CSMD1: variants seen among roughly 807,000 people sequenced by gnomAD.
CSMD1 encodes CUB and Sushi multiple domains 1.
Under a neutral mutation model 417.5 loss-of-function variants are expected in CSMD1, and 213 were observed. That is an observed-to-expected ratio of 0.51 (90% CI 0.46 to 0.57). The LOEUF is 0.57. CSMD1 is among the 20% of genes least tolerant of loss of function. The pLI, the probability that CSMD1 is intolerant of heterozygous loss-of-function variation, is 0.00. For synonymous variants in CSMD1, 2,862 were observed against 1,736.8 expected (o/e 1.65, Z -16.11); for missense variants, 6,923 against 4,529.7 (o/e 1.53, Z -15.17).
intron 3 of CSMD1, among the ~76,000 whole-genome samples, chr8:4,152,826 T>G (rs1796640557): frequency 6.6e-6 from 1 of 151,574 alleles, no homozygotes; most frequent in Non-Finnish European, 1.5e-5. Context: ...AGTGAGAGAG[T>G]AGGGAATGTA....
At chr8:4,164,634 G>C (rs1797350898) in intron 3 of CSMD1, among the ~76,000 whole-genome samples, 1 of 152,054 alleles carries the variant, frequency 6.6e-6, no homozygotes, top group Admixed American at 6.5e-5. Flanking sequence ...ATACTTCTGT[G>C]ATTGAGTCCC....
rs184747062 is a variant in CSMD1, at chr8:4,483,012, G to A, written c.303-62947C>T. Among the ~76,000 whole-genome samples the A allele has an allele frequency of 1.6e-4, 24 of 152,250 alleles. No individual in the cohort carries two copies. In the East Asian group the frequency reaches 4.2e-3, roughly 27 times the overall value. ...AGTAAAATAGTTTAGCAATTGATTG[G>A]TTTGGCTCTGCGTCCCCACCGAAAT... On this transcript the variant is annotated intron_variant, in intron 2 of 69. Coordinates refer to ENST00000635120, the MANE Select transcript of CSMD1 (RefSeq NM_033225.6).
chr8:4,385,891 T>C (rs1475979554), intron 3 of CSMD1, among the ~76,000 whole-genome samples: 1 of 152,196 alleles, frequency 6.6e-6, no homozygotes, highest in South Asian at 2.1e-4. Flanking sequence ...ATGCCAGAAT[T>C]TTCTCAGAAC....
At chr8:3,712,117 A>C (rs536926193) in intron 6 of CSMD1, among the ~76,000 whole-genome samples, 28 of 152,106 alleles carry the variant, frequency 1.8e-4, no homozygotes, top group African/African-American at 6.5e-4. Flanking sequence ...TGTTATACTG[A>C]TGTAGACTAT....
intron 4 of CSMD1, among the ~76,000 whole-genome samples, chr8:4,027,878 G>C (rs2262092): frequency 0.25 from 37,889 of 152,084 alleles, 4,889 homozygotes; most frequent in Middle Eastern, 0.34. Context: ...AGAGAACAAA[G>C]ACACAGTAAC....
intron 3 of CSMD1, among the ~76,000 whole-genome samples, chr8:4,108,578 C>T (rs773490820): frequency 6.6e-6 from 1 of 152,164 alleles, no homozygotes; most frequent in Non-Finnish European, 1.5e-5. Context: ...TATGCCATCC[C>T]TTTAGATTTC....
chr8:3,224,532 A>G (rs1328257006), intron 27 of CSMD1, among the ~76,000 whole-genome samples: 3 of 152,226 alleles, frequency 2.0e-5, no homozygotes, highest in African/African-American at 7.2e-5. Flanking sequence ...ACAAACCCCA[A>G]AAGTTTAAGT....
At chr8:3,010,290 G>GT (rs1311350568) in intron 52 of CSMD1, among the ~76,000 whole-genome samples, 1 of 152,194 alleles carries the variant, frequency 6.6e-6, no homozygotes, top group South Asian at 2.1e-4. Flanking sequence ...AGATGTAGCA[G>GT]GTGGCATTCT....
chr8:3,440,715 G>A (rs1014046382), intron 12 of CSMD1, among the ~76,000 whole-genome samples: 1 of 152,166 alleles, frequency 6.6e-6, no homozygotes, highest in Non-Finnish European at 1.5e-5. Context: ...TCCTTGGTGG[G>A]TTCTTACTCT....
At chr8:4,213,927 G>C (rs1436037441) in intron 3 of CSMD1, among the ~76,000 whole-genome samples, 1 of 152,228 alleles carries the variant, frequency 6.6e-6, no homozygotes, top group Non-Finnish European at 1.5e-5. Context: ...TCATTAATTA[G>C]ACACTAGCAT....
intron 1 of CSMD1, among the ~76,000 whole-genome samples, chr8:4,782,336 T>C: frequency 6.6e-6 from 1 of 152,220 alleles, no homozygotes. Flanking sequence ...ACACAATGTA[T>C]CTAAGCATTA....
chr8:4,340,339 G>A (rs907053233), intron 3 of CSMD1, among the ~76,000 whole-genome samples: 2 of 152,000 alleles, frequency 1.3e-5, no homozygotes, highest in African/African-American at 4.8e-5. Flanking sequence ...CTGGGATGAG[G>A]TTTGAGGGGC....
chr8:3,348,641 C>A (rs1808177636), intron 21 of CSMD1, among the ~76,000 whole-genome samples: 1 of 152,156 alleles, frequency 6.6e-6, no homozygotes, highest in African/African-American at 2.4e-5. Flanking sequence ...AACGACAGAC[C>A]AAACCACTGA....
At chr8:3,724,560 A>T (rs1184258384) in intron 6 of CSMD1, among the ~76,000 whole-genome samples, 1 of 152,014 alleles carries the variant, frequency 6.6e-6, no homozygotes, top group Non-Finnish European at 1.5e-5. Flanking sequence ...TGATCTGAGC[A>T]CCCTTCCTCT....
chr8:4,863,890 T>G (rs1279068666), intron 1 of CSMD1, among the ~76,000 whole-genome samples: 1 of 152,050 alleles, frequency 6.6e-6, no homozygotes, highest in East Asian at 1.9e-4. Flanking sequence ...TTGTATAAAT[T>G]AAATTAAAAG....
At chr8:4,312,554 C>A (rs1316723045) in intron 3 of CSMD1, among the ~76,000 whole-genome samples, 1 of 151,190 alleles carries the variant, frequency 6.6e-6, no homozygotes, top group African/African-American at 2.5e-5. Flanking sequence ...AAAGGGCTCA[C>A]AGTCGTTCTA....
intron 5 of CSMD1, among the ~76,000 whole-genome samples, chr8:3,813,077 T>G (rs1801171731): frequency 6.7e-6 from 1 of 148,714 alleles, no homozygotes; most frequent in South Asian, 2.1e-4. Context: ...CCAAGAAAAT[T>G]CTATTTTAAG....
At chr8:3,071,438 C>A (rs1269343851) in intron 49 of CSMD1, among the ~76,000 whole-genome samples, 1 of 152,008 alleles carries the variant, frequency 6.6e-6, no homozygotes, top group Admixed American at 6.5e-5. Context: ...TTGACAGATG[C>A]AGCAAACCAC....
intron 1 of CSMD1, among the ~76,000 whole-genome samples, chr8:4,948,889 C>A (rs981747075): frequency 6.6e-6 from 1 of 151,918 alleles, no homozygotes; most frequent in African/African-American, 2.4e-5. Flanking sequence ...GATAAAAGAC[C>A]ATGTTTTTAC....
Sources: allele counts gnomAD v4.1 joint callset (sites outside exome capture counted in the v4.1 genomes callset), GRCh38; gene constraint gnomAD v4.1.1; transcripts MANE v1.5; gene names NCBI Gene and HGNC (gene_info 2026-07-23, HGNC 2026-07-21).